Variants in KCNIP4 observed in about 807,000 individuals in gnomAD.
KCNIP4 encodes Kv channel-interacting protein 4.
KCNIP4 carries 12 observed loss-of-function variants against 34.0 expected under a neutral mutation model. That is an observed-to-expected ratio of 0.35 (90% CI 0.23 to 0.57). The LOEUF is 0.57. Among genes scored for constraint, KCNIP4 ranks in the 20% least tolerant of loss-of-function variants. The pLI is 0.83. For missense variants in KCNIP4, 238 were observed against 311.7 expected, an observed-to-expected ratio of 0.76 and a Z score of 1.78; for synonymous variants, 124 against 102.2, an observed-to-expected ratio of 1.21 and a Z score of -1.29.
rs1491087973 is a variant in KCNIP4 at position 21,129,900 on chromosome 4, A to AAC, written c.62-247192_62-247191insGT. 3.3e-5 allele frequency among the ~76,000 whole-genome samples: 5 copies of AAC among 151,648 alleles called. No homozygotes were observed. In the East Asian group the frequency reaches 9.7e-4, roughly 29 times the overall value. ...TGAAGCAGAAATGTTAAAAAAAAAA[A>AAC]CAGTGTGAATGTAAATGATGTTTTG... On this transcript the variant is annotated intron_variant, in intron 1 of 8. Coordinates refer to ENST00000382152, the MANE Select transcript of KCNIP4 (RefSeq NM_025221.6).
chr4:21,425,672 G>A (rs1352797578), intron 1 of KCNIP4, among the ~76,000 whole-genome samples: 3 of 152,088 alleles, frequency 2.0e-5, no homozygotes, highest in Non-Finnish European at 4.4e-5. Context: ...AAGTTATGAT[G>A]ATATAAATTA....
chr4:21,186,195 C>T lies in KCNIP4; in HGVS notation c.62-303486G>A, dbSNP rs141985208. 1.0e-2 allele frequency among the ~76,000 whole-genome samples: 1,519 copies of T among 152,228 alleles called. 26 individuals carry two copies. Among genetic ancestry groups the T allele is most frequent in the African/African-American group, 0.035 (1,442 of 41,570 alleles). On this transcript the variant is annotated intron_variant, in intron 1 of 8. Coordinates refer to ENST00000382152, the MANE Select transcript of KCNIP4 (RefSeq NM_025221.6). ...TCTGAGTATAATACTATTTTAAGAA[C>T]TTTCTGCTCAGAACTTTTATTATCC...
intron 1 of KCNIP4, chr4:21,697,264 T>C (rs556075760): frequency 2.3e-6 from 3 of 1,328,592 alleles, no homozygotes; most frequent in South Asian, 2.2e-5. Flanking sequence ...AACAAAGAAA[T>C]AGCCTTTCCT....
In KCNIP4 at chr4:21,219,294, G is replaced by A. The variant is rs549043254; in HGVS notation, c.62-336585C>T. Reference sequence around the variant, plus strand: ...GATAAACCCTTCCTGCAAGGTGCTCGTCAAAAAGCCTAAATGACAGAGATT... The same window carrying A: ...GATAAACCCTTCCTGCAAGGTGCTCATCAAAAAGCCTAAATGACAGAGATT... On this transcript the variant is annotated intron_variant, in intron 1 of 8. Coordinates refer to ENST00000382152, the MANE Select transcript of KCNIP4 (RefSeq NM_025221.6). 3.0e-4 allele frequency among the ~76,000 whole-genome samples: 45 copies of A among 152,186 alleles called. 1 individual carries two copies. The highest frequency in any genetic ancestry group is 8.3e-4 in the South Asian group (4 of 4,824).
intron 3 of KCNIP4, among the ~76,000 whole-genome samples, chr4:20,827,047 G>A (rs977372328): frequency 1.6e-4 from 25 of 152,154 alleles, no homozygotes; most frequent in Admixed American, 4.6e-4. Context: ...CTGGGAAGAC[G>A]TGTTATTGCC....
At chr4:20,881,755 T>C (rs1724712280) in intron 2 of KCNIP4, among the ~76,000 whole-genome samples, 1 of 152,218 alleles carries the variant, frequency 6.6e-6, no homozygotes, top group Non-Finnish European at 1.5e-5. Flanking sequence ...AATCTAAGTG[T>C]TGCTGTGAAG....
intron 1 of KCNIP4, among the ~76,000 whole-genome samples, chr4:20,949,969 T>A (rs1732604077): frequency 6.6e-6 from 1 of 150,994 alleles, no homozygotes; most frequent in Admixed American, 6.6e-5. Context: ...GTAACTAACC[T>A]GCACATTGTG....
At chr4:20,934,978 A>C (rs1348736581) in intron 1 of KCNIP4, among the ~76,000 whole-genome samples, 1 of 152,204 alleles carries the variant, frequency 6.6e-6, no homozygotes, top group Non-Finnish European at 1.5e-5. Context: ...CCTGACTTTA[A>C]GCAACATCAC....
intron 1 of KCNIP4, among the ~76,000 whole-genome samples, chr4:21,471,872 T>C (rs1250648213): frequency 6.6e-6 from 1 of 151,664 alleles, no homozygotes; most frequent in Admixed American, 6.6e-5. Context: ...ATGTCCCTAA[T>C]AATATCTGGT....
In KCNIP4 at chr4:21,392,714, A is replaced by C. The variant is rs149912241; in HGVS notation, c.62-510005T>G. On this transcript the variant is annotated intron_variant, in intron 1 of 8. Transcript: ENST00000382152. ...ACAATCTAATAGACTAACAAACTCA[A>C]AACAAAGGCTGACAAAGAGAGTCAT... is the stretch of plus-strand genomic sequence containing the variant. 3.2e-3 allele frequency among the ~76,000 whole-genome samples: 488 copies of C among 152,366 alleles called. 3 individuals carry two copies. The highest frequency in any genetic ancestry group is 0.024 in the Middle Eastern group (7 of 294).
At chr4:21,284,761 C>CGT (rs1165438192) in intron 1 of KCNIP4, among the ~76,000 whole-genome samples, 4 of 134,372 alleles carry the variant, frequency 3.0e-5, no homozygotes, top group Non-Finnish European at 4.9e-5. Context: ...TGTGTGTGTG[C>CGT]GTGTGTGTGT....
At chr4:21,552,374 A>G (rs1309521057) in intron 1 of KCNIP4, among the ~76,000 whole-genome samples, 1 of 152,138 alleles carries the variant, frequency 6.6e-6, no homozygotes, top group African/African-American at 2.4e-5. Flanking sequence ...CAATGATAGT[A>G]ATGAAAGATA....
chr4:20,800,660 T>G (rs1043461500), intron 3 of KCNIP4, among the ~76,000 whole-genome samples: 1 of 152,100 alleles, frequency 6.6e-6, no homozygotes, highest in African/African-American at 2.4e-5. Context: ...AAAGCTTCAA[T>G]AGCAGACTAG....
At chr4:21,405,957 T>C (rs577131526) in intron 1 of KCNIP4, among the ~76,000 whole-genome samples, 1 of 152,330 alleles carries the variant, frequency 6.6e-6, no homozygotes, top group Non-Finnish European at 1.5e-5. Context: ...TGCCTCAGCC[T>C]CTTGAGTAGC....
intron 3 of KCNIP4, among the ~76,000 whole-genome samples, chr4:20,824,173 A>G (rs1259031873): frequency 6.6e-6 from 1 of 152,204 alleles, no homozygotes. Context: ...AGTGTCTAGC[A>G]CAAAGACAGC....
In KCNIP4 at chr4:21,740,185, T is replaced by C. The variant is rs1716299273; in HGVS notation, c.61+208386A>G. ...GTATATATGTATTGACACATGCATATATACATAGACATGCACAAACATACA... is the reference window on the plus strand; with the variant it reads ...GTATATATGTATTGACACATGCATACATACATAGACATGCACAAACATACA... On this transcript the variant is annotated intron_variant, in intron 1 of 8. Coordinates refer to ENST00000382152, the MANE Select transcript of KCNIP4 (RefSeq NM_025221.6). Among the ~76,000 whole-genome samples the C allele has an allele frequency of 2.0e-5, 3 of 152,138 alleles. No homozygotes were observed. In the South Asian group the frequency reaches 6.2e-4, roughly 31 times the overall value.
At chr4:21,365,442 C>T (rs1719646815) in intron 1 of KCNIP4, among the ~76,000 whole-genome samples, 2 of 149,770 alleles carry the variant, frequency 1.3e-5, no homozygotes, top group South Asian at 4.2e-4. Context: ...CACACCACTG[C>T]ACTCCAGCCT....
intron 2 of KCNIP4, among the ~76,000 whole-genome samples, chr4:20,872,819 T>A (rs1429509604): frequency 6.6e-6 from 1 of 152,120 alleles, no homozygotes; most frequent in Non-Finnish European, 1.5e-5. Context: ...CTTAATCACA[T>A]AGGTAACCTG....
chr4:21,379,593 A>G (rs28403923), intron 1 of KCNIP4, among the ~76,000 whole-genome samples: 9,865 of 152,268 alleles, frequency 0.065, 951 homozygotes, highest in African/African-American at 0.21. Flanking sequence ...CCAAGTGATT[A>G]TAGAAAGATT....
Sources: allele counts gnomAD v4.1 joint callset (sites outside exome capture counted in the v4.1 genomes callset), GRCh38; gene constraint gnomAD v4.1.1; transcripts MANE v1.5; gene names NCBI Gene and HGNC (gene_info 2026-07-23, HGNC 2026-07-21).